Variants in FNIP2 observed in about 807,000 individuals in gnomAD.
FNIP2 encodes folliculin interacting protein 2.
A neutral mutation model predicts 108.7 loss-of-function variants in FNIP2; 32 were observed. That is an observed-to-expected ratio of 0.29 (90% CI 0.22 to 0.40). The LOEUF is 0.40. FNIP2 is among the 10% of genes least tolerant of loss of function. The pLI is 1.00. For synonymous variants in FNIP2, 480 were observed against 496.7 expected (o/e 0.97, Z 0.45); for missense variants, 1,202 against 1,381.6 (o/e 0.87, Z 2.06).
intron 1 of FNIP2, among the ~76,000 whole-genome samples, chr4:158,777,939 T>G (rs1775912349): frequency 6.6e-6 from 1 of 152,212 alleles, no homozygotes; most frequent in African/African-American, 2.4e-5. Context: ...ACCAGTTTCT[T>G]TCGTATCCTT....
rs1778758062 is a variant in FNIP2 at position 158,835,670 on chromosome 4, G to GT, written c.727+200dup. The GT allele has an allele frequency of 3.9e-5, 15 of 384,352 alleles. No individual in the cohort carries two copies. In the South Asian group the frequency reaches 5.8e-4, roughly 15 times the overall value. The allele number at this position is 384,352 out of a possible 1,614,324, so 23.8% of individuals were successfully genotyped here. On this transcript the variant is annotated intron_variant, in intron 7 of 16. Transcript: ENST00000264433. ...ATGAGTGATTGTGCAACATAAACTA[G>GT]TTTTTTCTAACACTCAAATTTATAT...
intron 1 of FNIP2, among the ~76,000 whole-genome samples, chr4:158,796,949 T>C (rs1776608466): frequency 6.6e-6 from 1 of 152,176 alleles, no homozygotes; most frequent in African/African-American, 2.4e-5. Flanking sequence ...TGGCGTCTCC[T>C]GAGTTCCTTG....
intron 1 of FNIP2, among the ~76,000 whole-genome samples, chr4:158,771,466 C>T (rs915470304): frequency 1.3e-5 from 2 of 152,164 alleles, no homozygotes; most frequent in African/African-American, 4.8e-5. Flanking sequence ...TTTCATTTTA[C>T]CCAGATTTTG....
chr4:158,842,562 A>G (rs1305959355), intron 7 of FNIP2, among the ~76,000 whole-genome samples: 1 of 152,218 alleles, frequency 6.6e-6, no homozygotes, highest in African/African-American at 2.4e-5. Context: ...ATAATTTGAC[A>G]TATAAATGCG....
chr4:158,773,791 A>G (rs986074146), intron 1 of FNIP2, among the ~76,000 whole-genome samples: 1 of 152,204 alleles, frequency 6.6e-6, no homozygotes, highest in Non-Finnish European at 1.5e-5. Context: ...GAGGGGTCTT[A>G]AAGATGTTCA....
chr4:158,864,607 TA>T (rs1486982338), intron 12 of FNIP2, among the ~76,000 whole-genome samples: 2 of 152,310 alleles, frequency 1.3e-5, no homozygotes, highest in African/African-American at 4.8e-5. Context: ...CCTACCTCTC[TA>T]ACCCCCTTTC....
rs1449587776 is a variant in FNIP2 at position 158,884,468 on chromosome 4, G to T, written c.2950-6978G>T. Among the ~76,000 whole-genome samples, 4 of 152,196 alleles carry T rather than the reference G, an allele frequency of 2.6e-5. No homozygotes were observed. The East Asian group carries it at 7.7e-4, about 29-fold the overall frequency. On this transcript the variant is annotated intron_variant, in intron 14 of 16. Transcript: ENST00000264433. ...GGTGTGGACAGCAAGTATTCTCAGA[G>T]GTCAAAGGAAGAGCAGTGCAGTGCA...
chr4:158,807,445 A>G (rs779435340), intron 1 of FNIP2, among the ~76,000 whole-genome samples: 6 of 152,150 alleles, frequency 3.9e-5, no homozygotes, highest in Non-Finnish European at 5.9e-5. Flanking sequence ...GTAGGCTGCA[A>G]TGAATTGTGA....
chr4:158,816,225 T>C (rs1195514385), intron 1 of FNIP2, among the ~76,000 whole-genome samples: 3 of 152,208 alleles, frequency 2.0e-5, no homozygotes, highest in Non-Finnish European at 2.9e-5. Flanking sequence ...GGAAACTTCT[T>C]GGAAAATGGA....
rs377197377 is a variant in FNIP2 at position 158,869,377 on chromosome 4, A to G, written c.2741A>G (p.His914Arg). 5 of 1,611,046 alleles carry G rather than the reference A, an allele frequency of 3.1e-6. No homozygotes were observed. The African/African-American group carries it at 6.7e-5, about 22-fold the overall frequency. Residue 914 changes from histidine (H) to arginine (R), a missense_variant, in exon 13 of 17, where the codon CAC (histidine) becomes CGC (arginine). His to Arg is a conservative substitution (Grantham distance 29). Around this residue, in one of 5 missense-constraint regions of FNIP2, gnomAD observed 878 missense variants for 990.3 expected, o/e 0.89. Transcript: ENST00000264433. ...GCTTCAGCCATGCTAGATCTGGGTCACGGTGGTGACAGGACTGGAGGGTCC... is the reference window on the plus strand; with the variant it reads ...GCTTCAGCCATGCTAGATCTGGGTCGCGGTGGTGACAGGACTGGAGGGTCC... ...ACASAMLDLGHGGDRTGGSLE... is the reference protein window; with the variant it reads ...ACASAMLDLGRGGDRTGGSLE...
intron 14 of FNIP2, among the ~76,000 whole-genome samples, chr4:158,874,595 G>C (rs990698280): frequency 4.0e-5 from 6 of 151,702 alleles, no homozygotes; most frequent in African/African-American, 1.2e-4. Flanking sequence ...CAATGCTTCA[G>C]TGAGCTGTGA....
At chr4:158,816,714 G>A (rs939577809) in intron 1 of FNIP2, among the ~76,000 whole-genome samples, 8 of 151,558 alleles carry the variant, frequency 5.3e-5, no homozygotes, top group Admixed American at 5.2e-4. Flanking sequence ...GAACCCAGGA[G>A]GTGGAGGTTG....
At position 158,868,796 on chromosome 4, in the gene FNIP2, G is replaced by A. The variant is rs147166611; in HGVS notation, c.2160G>A (p.Gln720=). Reference sequence around the variant, plus strand: ...CTTCCTTAGAAAAGGTCACTTTCCAGATTGGAAGCTTTGCATCTCCAGAGT... The same window carrying A: ...CTTCCTTAGAAAAGGTCACTTTCCAAATTGGAAGCTTTGCATCTCCAGAGT... ...EKPSLEKVTF[Q]IGSFASPESD... is the part of the protein sequence containing the mutation. Residue 720 remains glutamine (Q), a synonymous_variant, in exon 13 of 17, where the codon CAG becomes CAA. Coordinates refer to ENST00000264433, the MANE Select transcript of FNIP2 (RefSeq NM_020840.3). This position sits in a 1 kb window ranked among gnomAD's most constrained non-coding sequence, Gnocchi z 4.6. The A allele has an allele frequency of 1.2e-6, 2 of 1,613,778 alleles. No individual in the cohort carries two copies. The highest frequency in any genetic ancestry group is 1.7e-6 in the Non-Finnish European group (2 of 1,179,906).
chr4:158,806,175 G>A, intron 1 of FNIP2: 2 of 1,253,866 alleles, frequency 1.6e-6, no homozygotes, highest in Non-Finnish European at 2.1e-6. Flanking sequence ...CATAACAAAG[G>A]AACTTCAGGA....
At chr4:158,838,935 T>A (rs1778963181) in intron 7 of FNIP2, among the ~76,000 whole-genome samples, 1 of 152,206 alleles carries the variant, frequency 6.6e-6, no homozygotes, top group Non-Finnish European at 1.5e-5. Context: ...TAGAATTTAA[T>A]GTTTTTCTCA....
At chr4:158,806,855 CA>C (rs1428668273) in intron 1 of FNIP2, among the ~76,000 whole-genome samples, 3 of 152,154 alleles carry the variant, frequency 2.0e-5, no homozygotes, top group Non-Finnish European at 4.4e-5. Flanking sequence ...TGTGCTTTTC[CA>C]GTTGGAAGCA....
chr4:158,882,059 T>C (rs111741337), intron 14 of FNIP2, among the ~76,000 whole-genome samples: 5 of 146,646 alleles, frequency 3.4e-5, no homozygotes, highest in Admixed American at 1.4e-4. Context: ...ATGTGGGGAG[T>C]GCCTCTGCCC....
At chr4:158,812,089 C>G (rs13106780) in intron 1 of FNIP2, among the ~76,000 whole-genome samples, 44,233 of 152,076 alleles carry the variant, frequency 0.29, 7,180 homozygotes, top group Non-Finnish European at 0.38. Flanking sequence ...AGCGGCTGCA[C>G]ACTGTGATAT....
At chr4:158,840,005 AG>A (rs1272015683) in intron 7 of FNIP2, among the ~76,000 whole-genome samples, 2 of 152,174 alleles carry the variant, frequency 1.3e-5, no homozygotes, top group Admixed American at 6.5e-5. Context: ...TAGCTTTTTA[AG>A]GGGTTATTCT....
Sources: gnomAD v4.1 joint callset for allele counts (sites outside exome capture counted in the v4.1 genomes callset) on GRCh38, gnomAD v4.1.1 for gene constraint, gnomAD v4.1.1 regional missense constraint, Gnocchi (gnomAD v3.1) non-coding constraint, MANE v1.5 for transcripts, NCBI Gene and HGNC (gene_info 2026-07-23, HGNC 2026-07-21) for gene names.